Variants in ATF3 observed in about 807,000 individuals in gnomAD.
ATF3 encodes the protein cyclic AMP-dependent transcription factor ATF-3.
Under a neutral mutation model 18.4 loss-of-function variants are expected in ATF3, and 10 were observed. The observed-to-expected ratio is 0.54, with a 90% CI of 0.34 to 0.92. ATF3 has a LOEUF of 0.92. Among genes scored for constraint, ATF3 ranks in the 40% least tolerant of loss-of-function variants. ATF3 has a pLI of 0.02. For missense variants in ATF3, 183 were observed against 222.3 expected, an observed-to-expected ratio of 0.82 and a Z score of 1.12; for synonymous variants, 78 against 87.9, an observed-to-expected ratio of 0.89 and a Z score of 0.63.
At chr1:212,607,744 C>A (rs1322385200), upstream of ATF3, among the ~76,000 whole-genome samples, 2 of 152,222 alleles carry the variant, frequency 1.3e-5, no homozygotes, top group Non-Finnish European at 2.9e-5. Flanking sequence ...GGCAGGTTCG[C>A]GGACCCCAAA....
At chr1:212,612,018 GT>G (rs1279547464) in intron 1 of ATF3, among the ~76,000 whole-genome samples, 2 of 151,946 alleles carry the variant, frequency 1.3e-5, no homozygotes, top group Non-Finnish European at 2.9e-5. Flanking sequence ...TCATTTCCTT[GT>G]GGGGACACAG....
In ATF3 at chr1:212,580,972, T is replaced by C. The variant is rs1008584110; in HGVS notation, c.-5+15489T>C. ...TTAGTAGAGACAGGGTTTCACCACG[T>C]TGGGCAGGCTGGTCTCGGACTCCTG... is the stretch of plus-strand genomic sequence containing the variant. On this transcript the variant is annotated intron_variant, in intron 1 of 3. Transcript: ENST00000366981. Among the ~76,000 whole-genome samples, 4 of 152,166 alleles carry C rather than the reference T, an allele frequency of 2.6e-5. No homozygotes were observed. In the East Asian group the frequency reaches 7.7e-4, roughly 29 times the overall value.
At chr1:212,617,044 A>G (rs185331267) in intron 2 of ATF3, among the ~76,000 whole-genome samples, 180 of 152,284 alleles carry the variant, frequency 1.2e-3, no homozygotes, top group African/African-American at 4.0e-3. Flanking sequence ...GTTGGAAATT[A>G]TCGGCATATA....
In ATF3 at chr1:212,566,816, T is replaced by C. The variant is rs188974361; in HGVS notation, c.-5+1333T>C. On this transcript the variant is annotated intron_variant, in intron 1 of 3. Transcript: ENST00000366981. ...AAATTGAGCAGCCTCCTGGTTCCTA[T>C]TGGTGCCCAAGAGGATGCACCTCCT... 1.7e-4 allele frequency among the ~76,000 whole-genome samples: 26 copies of C among 152,280 alleles called. No individual in the cohort carries two copies. In the East Asian group the frequency reaches 4.8e-3, roughly 28 times the overall value.
intron 1 of ATF3, among the ~76,000 whole-genome samples, chr1:212,576,716 C>CTTTT (rs761124416): frequency 0.012 from 902 of 77,822 alleles, 20 homozygotes; most frequent in Admixed American, 0.018. Context: ...CTTTTCTTTT[C>CTTTT]TTTTCTTTTT....
At chr1:212,585,618 G>A (rs1390212831) in intron 1 of ATF3, among the ~76,000 whole-genome samples, 7 of 152,180 alleles carry the variant, frequency 4.6e-5, no homozygotes, top group Admixed American at 2.0e-4. Flanking sequence ...ATATTCATGT[G>A]TGCAAAACTG....
At chr1:212,568,857 A>T (rs1229550700) in intron 1 of ATF3, among the ~76,000 whole-genome samples, 1 of 152,218 alleles carries the variant, frequency 6.6e-6, no homozygotes, top group East Asian at 1.9e-4. Flanking sequence ...CTGTAGGTTT[A>T]TTAATGTTTG....
chr1:212,578,831 C>T lies in ATF3; in HGVS notation c.-5+13348C>T, dbSNP rs77862736. 8.6e-5 allele frequency among the ~76,000 whole-genome samples: 13 copies of T among 152,022 alleles called. No homozygotes were observed. The East Asian group carries it at 1.7e-3, about 20-fold the overall frequency. The stretch of plus-strand genomic sequence containing the variant: ...TGGTCCACTCAGCCCTCCAGCTCCC[C>T]GTCCCAGAACCAGAGTCTCTGGGGG... On this transcript the variant is annotated intron_variant, in intron 1 of 3. Coordinates refer to the ATF3 transcript ENST00000366981.
intron 1 of ATF3, among the ~76,000 whole-genome samples, chr1:212,597,431 C>CTA (rs755476136): frequency 2.0e-5 from 3 of 151,980 alleles, no homozygotes; most frequent in Non-Finnish European, 4.4e-5. Flanking sequence ...ATCTATCTAT[C>CTA]TATCTATCTA....
At chr1:212,593,584 T>C (rs1361059677) in intron 1 of ATF3, among the ~76,000 whole-genome samples, 1 of 150,762 alleles carries the variant, frequency 6.6e-6, no homozygotes, top group Non-Finnish European at 1.5e-5. Flanking sequence ...AAAAAGAAAA[T>C]TAAAAAATTA....
intron 1 of ATF3, among the ~76,000 whole-genome samples, chr1:212,597,533 A>G (rs915924852): frequency 6.6e-6 from 1 of 151,930 alleles, no homozygotes; most frequent in African/African-American, 2.4e-5. Context: ...CCCCATATCA[A>G]CCCTGCAAGG....
chr1:212,597,029 C>G (rs764902953), intron 1 of ATF3, among the ~76,000 whole-genome samples: 2 of 152,188 alleles, frequency 1.3e-5, no homozygotes, highest in Non-Finnish European at 2.9e-5. Context: ...ATTTATTCCT[C>G]ACAGCACTTT....
chr1:212,585,825 G>T (rs1415378156), intron 1 of ATF3, among the ~76,000 whole-genome samples: 1 of 151,858 alleles, frequency 6.6e-6, no homozygotes, highest in Non-Finnish European at 1.5e-5. Flanking sequence ...TGTAATGAGG[G>T]TTACTTTTGC....
chr1:212,571,484 T>A (rs188687966), intron 1 of ATF3, among the ~76,000 whole-genome samples: 128 of 152,204 alleles, frequency 8.4e-4, no homozygotes, highest in African/African-American at 2.5e-3. Context: ...CTCAGCTTAC[T>A]GCAACCTCCG....
At chr1:212,605,967 G>T (rs926290708), upstream of ATF3, among the ~76,000 whole-genome samples, 1 of 152,218 alleles carries the variant, frequency 6.6e-6, no homozygotes, top group Non-Finnish European at 1.5e-5. Context: ...TGTTTGCATG[G>T]AGAAGAGTTT....
chr1:212,576,721 CTTTTTTTTTTTTT>C (rs57512671), intron 1 of ATF3, among the ~76,000 whole-genome samples: 1 of 57,302 alleles, frequency 1.7e-5, no homozygotes, highest in Middle Eastern at 0.016. Context: ...CTTTTCTTTT[CTTTTTTTTTTTTT>C]TTTTTTTTTT....
intron 1 of ATF3, among the ~76,000 whole-genome samples, chr1:212,603,546 G>A (rs534416485): frequency 6.6e-6 from 1 of 152,226 alleles, no homozygotes; most frequent in East Asian, 1.9e-4. Flanking sequence ...GATGGTATTT[G>A]ATATCCTTTC....
intron 1 of ATF3, among the ~76,000 whole-genome samples, chr1:212,576,921 C>T (rs569626419): frequency 1.3e-5 from 2 of 151,214 alleles, no homozygotes; most frequent in Admixed American, 6.6e-5. Flanking sequence ...TTAGTAGAGA[C>T]GGGGTTTCAC....
intron 1 of ATF3, among the ~76,000 whole-genome samples, chr1:212,583,978 G>A (rs576331327): frequency 2.6e-5 from 4 of 152,216 alleles, no homozygotes; most frequent in Admixed American, 6.5e-5. Flanking sequence ...AAAACAGACC[G>A]TATCTCTGCC....
Sources: allele counts gnomAD v4.1 joint callset (sites outside exome capture counted in the v4.1 genomes callset), GRCh38; gene constraint gnomAD v4.1.1; transcripts MANE v1.5; gene names NCBI Gene and HGNC (gene_info 2026-07-23, HGNC 2026-07-21).